FAM135A: variants seen among roughly 807,000 people sequenced by gnomAD.
FAM135A encodes family with sequence similarity 135 member A, also known as protein FAM135A.
Under a neutral mutation model 146.8 loss-of-function variants are expected in FAM135A, and 79 were observed. That is an observed-to-expected ratio of 0.54 (90% CI 0.45 to 0.65). FAM135A has a LOEUF of 0.65. Among genes scored for constraint, FAM135A ranks in the 30% least tolerant of loss-of-function variants. The pLI is 0.00. For synonymous variants in FAM135A, 562 were observed against 603.6 expected (o/e 0.93, Z 1.01); for missense variants, 1,623 against 1,758.2 (o/e 0.92, Z 1.38).
At chr6:70,536,064 A>G (rs900342940) in intron 18 of FAM135A, 196 bp from the exon 19 acceptor site, 4 of 483,180 alleles carry the variant, frequency 8.3e-6, no homozygotes, top group African/African-American at 6.0e-5. Context: ...AAATTATGTA[A>G]TAATGAGGAT....
Position 70,475,561 on chromosome 6 carries a change from T to G in FAM135A, c.297+12T>G. The G allele has an allele frequency of 1.9e-6, 3 of 1,579,328 alleles. No individual in the cohort carries two copies. Among genetic ancestry groups the G allele is most frequent in the Admixed American group, 1.9e-5 (1 of 53,866 alleles). ...TGGATGAAAGAAAGGTAAACATCTC[T>G]TCATATTTATTTATGTAAATATTTT... On this transcript the variant is annotated intron_variant, in intron 6 of 21. Transcript: ENST00000418814.
At chr6:70,552,498 T>C (rs1049935842) in intron 20 of FAM135A, among the ~76,000 whole-genome samples, 1 of 146,592 alleles carries the variant, frequency 6.8e-6, no homozygotes, top group Non-Finnish European at 1.5e-5. Context: ...AGACGGAGGC[T>C]TGCTCTGTTG....
chr6:70,553,762 A>G (rs1323108736), intron 20 of FAM135A, among the ~76,000 whole-genome samples: 1 of 152,198 alleles, frequency 6.6e-6, no homozygotes, highest in Non-Finnish European at 1.5e-5. Flanking sequence ...TTTGAAAGAA[A>G]CATATAAAAT....
At chr6:70,424,585 G>A (rs918368200) in intron 2 of FAM135A, among the ~76,000 whole-genome samples, 3 of 152,214 alleles carry the variant, frequency 2.0e-5, no homozygotes, top group African/African-American at 7.2e-5. Context: ...CTTAACTGCA[G>A]AGCTGGATCC....
intron 8 of FAM135A, 78 bp downstream of exon 8, chr6:70,477,410 A>G: frequency 6.9e-7 from 1 of 1,440,258 alleles, no homozygotes; most frequent in Non-Finnish European, 9.4e-7. Context: ...TCAATTTATA[A>G]ATAAAAGAGG....
chr6:70,432,045 A>G (rs1002751533), intron 4 of FAM135A, among the ~76,000 whole-genome samples: 12 of 152,150 alleles, frequency 7.9e-5, no homozygotes, highest in African/African-American at 2.7e-4. Context: ...TAATAAAATC[A>G]TGTTAAGTTT....
intron 20 of FAM135A, among the ~76,000 whole-genome samples, chr6:70,553,195 C>A (rs1358592467): frequency 1.3e-5 from 2 of 152,152 alleles, no homozygotes; most frequent in African/African-American, 2.4e-5. Context: ...TTCAGCCATG[C>A]CCAGTCATCT....
intron 12 of FAM135A, chr6:70,503,498 A>C (rs1789048378): frequency 6.6e-6 from 1 of 152,178 alleles, no homozygotes. Context: ...AAACAGGCAC[A>C]TTTTATCAAA....
In FAM135A at chr6:70,452,570, A is replaced by C. The variant is rs773313160; in HGVS notation, c.156A>C (p.Thr52=). The C allele has an allele frequency of 4.5e-6, 7 of 1,567,116 alleles. No homozygotes were observed. The South Asian group carries it at 8.7e-5, about 19-fold the overall frequency. The change falls in exon 5 of 22, where the codon ACA becomes ACC. Residue 52 remains threonine, a splice_region_variant and synonymous_variant. Transcript: ENST00000418814. ...TAGAAGCTAGTTTGTTGCATGCAAC[A>C]GGTAAGCCAAAGAATACATTCAAAT... ...HRVEASLLHA[T]GMTLAFPASV...
Position 70,452,515 on chromosome 6 carries a change from T to A in FAM135A, c.101T>A (p.Met34Lys). The A allele has an allele frequency of 6.3e-7, 1 of 1,597,632 alleles. No homozygotes were observed. The highest frequency in any genetic ancestry group is 1.2e-5 in the South Asian group (1 of 86,630). The change falls in exon 5 of 22, where the codon ATG becomes AAG. Residue 34 changes from methionine (M) to lysine (K), a missense_variant. Coordinates refer to ENST00000418814, the MANE Select transcript of FAM135A (RefSeq NM_001162529.3). ...AGTTTTTACCAGATTCGTGCTTCTA[T>A]GAAAATTCCATCAAGAATTCCCCAC... ...QRGFYQIRAS[M>K]KIPSRIPHRV...
chr6:70,552,658 CG>C (rs1800059183), intron 20 of FAM135A, among the ~76,000 whole-genome samples: 1 of 151,746 alleles, frequency 6.6e-6, no homozygotes. Flanking sequence ...TTGGTAGAGA[CG>C]GGGTTTCACC....
Position 70,560,285 on chromosome 6 carries a change from A to G in FAM135A, c.*364A>G. ...TAGAGACCATTATTGCTAGAATAGC[A>G]TGGGATTTAAAATTTTCTAATACTG... On this transcript the variant is annotated 3_prime_UTR_variant, in exon 22 of 22. Transcript: ENST00000418814. 6.4e-6 allele frequency: 1 copy of G among 156,574 alleles called. No individual in the cohort carries two copies. Among genetic ancestry groups the G allele is most frequent in the East Asian group, 1.9e-4 (1 of 5,392 alleles). The allele number at this position is 156,574 out of a possible 1,614,324, so 9.7% of individuals were successfully genotyped here.
chr6:70,530,564 A>G (rs1169401491), intron 16 of FAM135A, among the ~76,000 whole-genome samples: 1 of 152,166 alleles, frequency 6.6e-6, no homozygotes, highest in Non-Finnish European at 1.5e-5. Context: ...TTTTATATTT[A>G]TATATGAGAG....
intron 4 of FAM135A, among the ~76,000 whole-genome samples, chr6:70,449,618 GTA>G (rs552310323): frequency 6.6e-6 from 1 of 151,536 alleles, no homozygotes. Context: ...GTATTCTGTT[GTA>G]TATATATATA....
intron 5 of FAM135A, among the ~76,000 whole-genome samples, chr6:70,459,353 T>C (rs1174826599): frequency 6.6e-6 from 1 of 152,218 alleles, no homozygotes; most frequent in Non-Finnish European, 1.5e-5. Context: ...AATTAGATAG[T>C]ATTATACAGC....
intron 14 of FAM135A, 89 bp downstream of exon 14, chr6:70,524,210 G>T (rs997273888): frequency 7.1e-7 from 1 of 1,406,504 alleles, no homozygotes; most frequent in Non-Finnish European, 9.5e-7. Context: ...CCCTAATGTG[G>T]AATAGTTTTT....
chr6:70,505,582 G>A (rs974064292), intron 12 of FAM135A, among the ~76,000 whole-genome samples: 2 of 151,554 alleles, frequency 1.3e-5, no homozygotes, highest in Non-Finnish European at 2.9e-5. Context: ...GGAGGAGTTT[G>A]CCCATTTTGA....
Position 70,482,086 on chromosome 6 carries a change from T to G in FAM135A, c.755T>G (p.Phe252Cys), listed in dbSNP as rs187733653. 1.2e-6 allele frequency: 2 copies of G among 1,613,836 alleles called. No individual in the cohort carries two copies. The highest frequency in any genetic ancestry group is 2.2e-5 in the East Asian group (1 of 44,818). ...YTLCATLLLA[F>C]KGLHSYFITV... ...CTTTGTGCCACTTTGCTGCTAGCCT[T>G]CAAGGGATTGCACAGCTACTTCATT... Residue 252 changes from phenylalanine to cysteine, a missense_variant, in exon 10 of 22, where the codon TTC (phenylalanine) becomes TGC (cysteine). Physicochemically the swap from Phe to Cys is radical, Grantham distance 205. This residue lies in a region of FAM135A where 206 missense variants were observed against 194.7 expected (regional missense o/e 1.06). Coordinates refer to ENST00000418814, the MANE Select transcript of FAM135A (RefSeq NM_001162529.3).
intron 2 of FAM135A, among the ~76,000 whole-genome samples, chr6:70,418,701 G>C (rs1362171479): frequency 6.6e-6 from 1 of 152,188 alleles, no homozygotes; most frequent in African/African-American, 2.4e-5. Context: ...TACAAAGTTG[G>C]GCAGGAGGTC....
Sources: allele counts gnomAD v4.1 joint callset (sites outside exome capture counted in the v4.1 genomes callset), GRCh38; gene constraint gnomAD v4.1.1; regional missense constraint gnomAD v4.1.1; transcripts MANE v1.5; gene names NCBI Gene and HGNC (gene_info 2026-07-23, HGNC 2026-07-21).